The following DGKK variants were observed in gnomAD, a reference collection of about 807,000 sequenced individuals.
DGKK encodes the protein diacylglycerol kinase kappa, also known as 142 kDa diacylglycerol kinase.
In DGKK, 35 loss-of-function variants were observed where a neutral mutation model predicts 92.2. The observed-to-expected ratio is 0.38, with a 90% CI of 0.29 to 0.50. The LOEUF (loss-of-function observed/expected upper bound fraction) is 0.50, where lower values mean the gene tolerates loss of function less well. DGKK is among the 20% of genes least tolerant of loss of function. The pLI is 0.92. For missense variants in DGKK, 910 were observed against 992.2 expected, an observed-to-expected ratio of 0.92 and a Z score of 1.11; for synonymous variants, 368 against 360.6, an observed-to-expected ratio of 1.02 and a Z score of -0.23.
chrX:50,410,049 G>A (rs997780451), intron 4 of DGKK, among the ~76,000 whole-genome samples: 1 of 112,045 alleles, frequency 8.9e-6, no homozygotes, highest in Non-Finnish European at 1.9e-5. Context: ...CTAGTCTGTG[G>A]AATTTTTTAT....
chrX:50,418,306 G>A (rs961536143), intron 4 of DGKK, among the ~76,000 whole-genome samples: 2 of 111,748 alleles, frequency 1.8e-5, no homozygotes, highest in East Asian at 2.8e-4. Context: ...TGTATATAGC[G>A]TCTCCCTATT....
chrX:50,373,841 A>T (rs145295354), intron 25 of DGKK, among the ~76,000 whole-genome samples: 2 of 112,349 alleles, frequency 1.8e-5, no homozygotes, highest in South Asian at 3.8e-4. Flanking sequence ...CACACTCACC[A>T]AGTATGCCTA....
intron 1 of DGKK, among the ~76,000 whole-genome samples, chrX:50,466,010 CT>C (rs1194066821): frequency 1.5e-4 from 9 of 58,323 alleles, no homozygotes; most frequent in African/African-American, 3.5e-4. Context: ...TTTTCTTTTT[CT>C]TTTTTCTTTT....
intron 1 of DGKK, among the ~76,000 whole-genome samples, chrX:50,443,841 A>C: frequency 9.1e-6 from 1 of 110,242 alleles, no homozygotes; most frequent in East Asian, 2.9e-4. Context: ...CTATCCTTCT[A>C]TAGCCACATC....
chrX:50,460,017 A>T (rs1926704809), intron 1 of DGKK, among the ~76,000 whole-genome samples: 1 of 112,385 alleles, frequency 8.9e-6, no homozygotes, highest in African/African-American at 3.2e-5. Flanking sequence ...TACATAATAA[A>T]TGCAAGTGAC....
rs182820148 is a variant in DGKK at position 50,384,053 on chromosome X, G to A, written c.2549+115C>T. On this transcript the variant is annotated intron_variant, in intron 17 of 27. Transcript: ENST00000611977. The stretch of plus-strand genomic sequence containing the variant: ...GGCTCACACTGGTTTAGTCACTTGC[G>A]TAGGTGACACAGCTAGTAAGTAAGA... 1.8e-4 allele frequency: 72 copies of A among 394,690 alleles called. 2 individuals carry two copies. The East Asian group carries it at 3.4e-3, about 19-fold the overall frequency. 32.5% of individuals were successfully genotyped at this position (394,690 alleles called of 1,213,427 possible). A position where few individuals can be genotyped will look rare whatever the true frequency, so the allele number is the denominator to read the frequency against.
intron 18 of DGKK, 27 bp downstream of exon 18, chrX:50,382,469 G>A: frequency 9.4e-7 from 1 of 1,069,174 alleles, no homozygotes; most frequent in Non-Finnish European, 1.3e-6. Context: ...GTGTTTGCAT[G>A]TAGGGAAGGG....
chrX:50,465,046 G>T (rs1219461980), intron 1 of DGKK, among the ~76,000 whole-genome samples: 1 of 111,612 alleles, frequency 9.0e-6, no homozygotes, highest in African/African-American at 3.3e-5. Context: ...GAGGTTGGGG[G>T]ACCTTCCCTT....
intron 4 of DGKK, among the ~76,000 whole-genome samples, chrX:50,404,445 CTTTTT>C (rs781970634): frequency 1.1e-5 from 1 of 90,908 alleles, no homozygotes. Flanking sequence ...GAGTAATTAT[CTTTTT>C]TTTTTTTTTT....
intron 1 of DGKK, among the ~76,000 whole-genome samples, chrX:50,432,481 C>G (rs1227468678): frequency 1.8e-5 from 2 of 112,312 alleles, no homozygotes; most frequent in African/African-American, 6.5e-5. Flanking sequence ...GCTTTCTACA[C>G]TTAATATACA....
intron 1 of DGKK, among the ~76,000 whole-genome samples, chrX:50,456,327 C>T (rs1476262650): frequency 6.3e-5 from 7 of 111,980 alleles, no homozygotes; most frequent in African/African-American, 2.3e-4. Flanking sequence ...TGTTGCTTCT[C>T]AGTCCTCACA....
chrX:50,424,197 G>A (rs1272020426), intron 2 of DGKK, 51 bp downstream of exon 2: 80 of 1,112,983 alleles, frequency 7.2e-5, no homozygotes, highest in Non-Finnish European at 9.8e-5. Flanking sequence ...CCCACACAAA[G>A]GTTTCCTGGC....
chrX:50,447,377 ATATATAATATATATATAT>A (rs1569545070), intron 1 of DGKK, among the ~76,000 whole-genome samples: 6 of 14,147 alleles, frequency 4.2e-4, no homozygotes, highest in African/African-American at 1.6e-3. Context: ...TATTATATAT[ATATATAATATATATATAT>A]TATATATATA....
chrX:50,374,952 T>G lies in DGKK; in HGVS notation c.3501+19A>C. 8.4e-7 allele frequency: 1 copy of G among 1,192,757 alleles called. No individual in the cohort carries two copies. The highest frequency in any genetic ancestry group is 1.1e-6 in the Non-Finnish European group (1 of 879,816). On this transcript the variant is annotated intron_variant, in intron 25 of 27. Transcript: ENST00000611977. Reference sequence around the variant, plus strand: ...GATAGAATACTTTGCCCTCCCAGACTCCAACCCCCTGCACTCACCAGCTTT... The same window carrying G: ...GATAGAATACTTTGCCCTCCCAGACGCCAACCCCCTGCACTCACCAGCTTT...
rs183944912 is a variant in DGKK, at chrX:50,470,172, C to A, written c.507G>T (p.Ala169=). 1,019 of 1,210,770 alleles carry A rather than the reference C, an allele frequency of 8.4e-4. 5 individuals carry two copies. The African/African-American group carries it at 0.017, about 20-fold the overall frequency. Residue 169 remains alanine (A), a synonymous_variant, in exon 1 of 28, where the codon GCG becomes GCT. Coordinates refer to ENST00000611977, the MANE Select transcript of DGKK (RefSeq NM_001013742.4). ...CTGGACTTGGACGGAACTCTGGAGC[C>A]GCCTCAGGGCAGAACTCTGGGGCCA... ...TELAPEFCPE[A]APEFRPSPAP...
At chrX:50,379,528 C>T in intron 20 of DGKK, 99 bp downstream of exon 20, 1 of 693,180 alleles carries the variant, frequency 1.4e-6, no homozygotes, top group Middle Eastern at 3.1e-4. Context: ...CCTCTTCTCC[C>T]ATTGTCTATT....
intron 1 of DGKK, among the ~76,000 whole-genome samples, chrX:50,463,678 T>C (rs1193090686): frequency 2.7e-5 from 3 of 110,104 alleles, no homozygotes; most frequent in Non-Finnish European, 3.8e-5. Context: ...TCTTTGTTTC[T>C]TTTTTGTTTT....
intron 11 of DGKK, 59 bp downstream of exon 11, chrX:50,391,378 A>G: frequency 8.5e-7 from 1 of 1,177,771 alleles, no homozygotes; most frequent in Non-Finnish European, 1.1e-6. Flanking sequence ...CCTGATTGAG[A>G]TGATGTGAGT....
intron 1 of DGKK, among the ~76,000 whole-genome samples, chrX:50,425,983 A>C (rs1308970085): frequency 1.8e-5 from 2 of 111,242 alleles, no homozygotes. Flanking sequence ...CTATCCATAT[A>C]CTTCTCCATA....
Sources: gnomAD v4.1 joint callset for allele counts (sites outside exome capture counted in the v4.1 genomes callset) on GRCh38, gnomAD v4.1.1 for gene constraint, MANE v1.5 for transcripts, NCBI Gene and HGNC (gene_info 2026-07-23, HGNC 2026-07-21) for gene names.